The following RNASEH2B variants were observed in gnomAD, a reference collection of about 807,000 sequenced individuals.
The protein encoded by RNASEH2B is Aicardi-Goutieres syndrome 2 protein.
In RNASEH2B, 36 loss-of-function variants were observed where a neutral mutation model predicts 45.0. The ratio of observed to expected loss-of-function variants is 0.80; its 90% CI spans 0.61 to 1.06. RNASEH2B has a LOEUF of 1.06. Ranked by LOEUF, RNASEH2B falls within the 50% of genes least tolerant of loss-of-function variation. RNASEH2B has a pLI of 0.00. For synonymous variants in RNASEH2B, 119 were observed against 125.7 expected, an observed-to-expected ratio of 0.95 and a Z score of 0.35; for missense variants, 361 against 360.3, an observed-to-expected ratio of 1.00 and a Z score of -0.02.
intron 7 of RNASEH2B, 38 bp downstream of exon 7, chr13:50,945,570 G>A (rs1290359297): frequency 1.4e-6 from 2 of 1,407,352 alleles, no homozygotes; most frequent in African/African-American, 1.4e-5. Flanking sequence ...TTTTTGTCTG[G>A]AGTAAGTTGC....
Position 50,956,497 on chromosome 13 carries a change from A to G in RNASEH2B, c.*23A>G. The G allele has an allele frequency of 6.3e-7, 1 of 1,585,968 alleles. No homozygotes were observed. The highest frequency in any genetic ancestry group is 1.3e-5 in the African/African-American group (1 of 74,344). On this transcript the variant is annotated 3_prime_UTR_variant, in exon 11 of 11. Transcript: ENST00000336617. ...TGAAACTTTGAAAATAAAATCTAGC[A>G]AAAATATTTGCTTTTTACATGTTTC...
chr13:50,949,387 C>G (rs975144009), intron 8 of RNASEH2B, 76 bp from the exon 9 acceptor site: 1 of 1,341,834 alleles, frequency 7.5e-7, no homozygotes, highest in African/African-American at 1.4e-5. Flanking sequence ...CTTACTAAGT[C>G]TTAAGTTGGC....
At chr13:50,920,279 A>T (rs911603268) in intron 1 of RNASEH2B, among the ~76,000 whole-genome samples, 1 of 152,172 alleles carries the variant, frequency 6.6e-6, no homozygotes, top group Admixed American at 6.5e-5. Context: ...TCCTGGCCTC[A>T]AGTGATCTGC....
intron 1 of RNASEH2B, chr13:50,910,496 C>T (rs1879307759): frequency 4.8e-6 from 1 of 207,696 alleles, no homozygotes; most frequent in Non-Finnish European, 9.5e-6. Flanking sequence ...GCAGCTGGCC[C>T]TGCTTCTGTG....
intron 4 of RNASEH2B, among the ~76,000 whole-genome samples, chr13:50,932,278 C>T (rs1211594002): frequency 6.6e-6 from 1 of 152,160 alleles, no homozygotes; most frequent in African/African-American, 2.4e-5. Context: ...CCCAGGAGAA[C>T]ATGCTCTTCC....
At chr13:50,942,165 T>A (rs1951840632) in intron 5 of RNASEH2B, 1 of 152,208 alleles carries the variant, frequency 6.6e-6, no homozygotes, top group Admixed American at 6.5e-5. Flanking sequence ...CAGAGGAGGC[T>A]GGAATAGAAG....
At chr13:50,953,615 A>G in intron 9 of RNASEH2B, 1 of 468,694 alleles carries the variant, frequency 2.1e-6, no homozygotes, top group South Asian at 2.6e-5. Flanking sequence ...TGCCCACCAC[A>G]CCTGGCACCT....
chr13:50,914,407 T>G (rs1879615729), intron 1 of RNASEH2B, among the ~76,000 whole-genome samples: 1 of 152,250 alleles, frequency 6.6e-6, no homozygotes, highest in African/African-American at 2.4e-5. Flanking sequence ...ATTCAAGTGC[T>G]GATTTTAGAC....
At chr13:50,917,200 T>C (rs1211008879) in intron 1 of RNASEH2B, among the ~76,000 whole-genome samples, 3 of 152,104 alleles carry the variant, frequency 2.0e-5, no homozygotes, top group Admixed American at 6.5e-5. Context: ...AAGTGGGCAC[T>C]TGAGGCTAAA....
At chr13:50,951,412 A>G (rs1466221601) in intron 9 of RNASEH2B, 2 of 152,144 alleles carry the variant, frequency 1.3e-5, no homozygotes, top group South Asian at 2.1e-4. Flanking sequence ...GGAGCCTGTC[A>G]TCTTTAATAT....
intron 1 of RNASEH2B, among the ~76,000 whole-genome samples, chr13:50,922,704 C>T (rs562054758): frequency 6.6e-6 from 1 of 152,216 alleles, no homozygotes; most frequent in Admixed American, 6.5e-5. Context: ...GTCTGATTTC[C>T]AGAATTGCCA....
At position 50,967,323 on chromosome 13, in the gene RNASEH2B, G is replaced by A. The variant is rs986044281; in HGVS notation, c.742-2609G>A. 1.5e-4 allele frequency among the ~76,000 whole-genome samples: 23 copies of A among 152,278 alleles called. No homozygotes were observed. The South Asian group carries it at 1.7e-3, about 11-fold the overall frequency. ...TGGGGTGCCCATGATATGTGTATAT[G>A]TATATTTCTTTTCTTCATTTTTCAA... On this transcript the variant is annotated intron_variant, in intron 9 of 9. Coordinates refer to the RNASEH2B transcript ENST00000422660.
At chr13:50,935,291 T>A in intron 5 of RNASEH2B, 1 of 415,060 alleles carries the variant, frequency 2.4e-6, no homozygotes, top group South Asian at 2.8e-5. Flanking sequence ...GGCAAGTCAC[T>A]CAGCTGCCTT....
chr13:50,918,057 T>G (rs1879841499), intron 1 of RNASEH2B, among the ~76,000 whole-genome samples: 1 of 152,152 alleles, frequency 6.6e-6, no homozygotes, highest in Non-Finnish European at 1.5e-5. Flanking sequence ...AGAAACATGG[T>G]TGTTGATAGG....
intron 10 of RNASEH2B, chr13:50,954,515 GA>G (rs1952020299): frequency 6.4e-6 from 1 of 155,888 alleles, no homozygotes; most frequent in Non-Finnish European, 1.4e-5. Flanking sequence ...AACATTCTTT[GA>G]AAAAATATTC....
chr13:50,947,836 A>G, intron 7 of RNASEH2B, 151 bp from the exon 8 acceptor site: 6 of 1,273,662 alleles, frequency 4.7e-6, no homozygotes, highest in Non-Finnish European at 6.5e-6. Flanking sequence ...TACTATCCCC[A>G]TTTTACAAAT....
downstream of RNASEH2B, among the ~76,000 whole-genome samples, chr13:50,958,430 A>G (rs1233426206): frequency 6.6e-6 from 1 of 151,144 alleles, no homozygotes; most frequent in Non-Finnish European, 1.5e-5. Flanking sequence ...TGGGTTCTCT[A>G]TTCTCTTTCT....
intron 6 of RNASEH2B, among the ~76,000 whole-genome samples, chr13:50,943,915 G>A (rs1435697095): frequency 1.3e-5 from 2 of 152,142 alleles, no homozygotes; most frequent in East Asian, 3.9e-4. Context: ...TGGATGGACT[G>A]GGGCAGTGAA....
At chr13:50,933,525 T>G (rs1364744123) in intron 4 of RNASEH2B, among the ~76,000 whole-genome samples, 2 of 152,224 alleles carry the variant, frequency 1.3e-5, no homozygotes, top group African/African-American at 2.4e-5. Flanking sequence ...AGTTAAAAAT[T>G]ATTGATACAC....
Sources: gnomAD v4.1 joint callset for allele counts (sites outside exome capture counted in the v4.1 genomes callset) on GRCh38, gnomAD v4.1.1 for gene constraint, MANE v1.5 for transcripts, NCBI Gene and HGNC (gene_info 2026-07-23, HGNC 2026-07-21) for gene names.